BROX: variants seen among roughly 807,000 people sequenced by gnomAD.
BROX encodes BRO1 domain-containing protein BROX.
A neutral mutation model predicts 61.0 loss-of-function variants in BROX; 53 were observed. That is an observed-to-expected ratio of 0.87 (90% CI 0.70 to 1.09). The LOEUF (loss-of-function observed/expected upper bound fraction) is 1.09. BROX is among the 50% of genes least tolerant of loss of function. The pLI, the probability that BROX is intolerant of heterozygous loss-of-function variation, is 0.00. For synonymous variants in BROX, 152 were observed against 160.2 expected (o/e 0.95, Z 0.38); for missense variants, 489 against 472.0 (o/e 1.04, Z -0.33).
Position 222,715,836 on chromosome 1 carries a change from G to C in BROX, c.101+36G>C, listed in dbSNP as rs759322783. The C allele has an allele frequency of 8.6e-6, 12 of 1,388,254 alleles. No individual in the cohort carries two copies. In the East Asian group the frequency reaches 2.4e-4, roughly 28 times the overall value. 86.0% of individuals were successfully genotyped at this position (1,388,254 alleles called of 1,614,324 possible). On this transcript the variant is annotated intron_variant, in intron 2 of 12. Coordinates refer to ENST00000340934, the MANE Select transcript of BROX (RefSeq NM_144695.4). Reference sequence around the variant, plus strand: ...TGATTGAACCACTCTTAGATGCAAGGTACTTTTTTTGGTTCCATGGCAATA... The same window carrying C: ...TGATTGAACCACTCTTAGATGCAAGCTACTTTTTTTGGTTCCATGGCAATA...
intron 4 of BROX, 74 bp from the exon 5 acceptor site, chr1:222,722,345 C>T (rs183198958): frequency 7.0e-5 from 87 of 1,239,452 alleles, no homozygotes; most frequent in African/African-American, 4.5e-4. Flanking sequence ...AATTTTGAGT[C>T]GGATATCCAG....
chr1:222,727,398 A>G, intron 8 of BROX, 141 bp downstream of exon 8: 1 of 664,200 alleles, frequency 1.5e-6, no homozygotes, highest in Non-Finnish European at 2.6e-6. Flanking sequence ...TATTGCATTT[A>G]AAATAGAGCT....
At chr1:222,718,362 C>T (rs1345538478) in intron 2 of BROX, among the ~76,000 whole-genome samples, 1 of 151,994 alleles carries the variant, frequency 6.6e-6, no homozygotes, top group Non-Finnish European at 1.5e-5. Context: ...TTTACATATT[C>T]TTGATGTATA....
At chr1:222,731,316 C>T (rs532323581) in intron 11 of BROX, 41 bp from the exon 12 acceptor site, 34 of 1,510,118 alleles carry the variant, frequency 2.3e-5, no homozygotes, top group Admixed American at 7.4e-5. Context: ...ACTCAAATAA[C>T]GAACAAATGA....
intron 6 of BROX, among the ~76,000 whole-genome samples, chr1:222,724,395 A>C (rs1028840095): frequency 2.6e-5 from 4 of 152,202 alleles, no homozygotes; most frequent in Non-Finnish European, 5.9e-5. Flanking sequence ...TAGAAAACTT[A>C]AGTTTTAGTG....
chr1:222,718,144 T>G (rs1017724626), intron 2 of BROX: 1 of 152,112 alleles, frequency 6.6e-6, no homozygotes. Context: ...TGAACATTTC[T>G]GGAGTTGGGA....
At chr1:222,730,241 T>C (rs1657838082) in intron 11 of BROX, 64 bp downstream of exon 11, 3 of 1,132,432 alleles carry the variant, frequency 2.6e-6, no homozygotes, top group Non-Finnish European at 3.5e-6. Flanking sequence ...TATTAAAATA[T>C]TAATATTTTA....
chr1:222,712,640 T>C lies in BROX; in HGVS notation c.-319T>C, dbSNP rs1289830127. ...GGTAGGGGCAACTCTTCTCTTCCTG[T>C]CTGGGAAAAAGACCATAGCTCAAAA... is the stretch of plus-strand genomic sequence containing the variant. On this transcript the variant is annotated 5_prime_UTR_variant, in exon 1 of 13. Transcript: ENST00000340934. 1.5e-6 allele frequency: 2 copies of C among 1,319,790 alleles called. No homozygotes were observed. The highest frequency in any genetic ancestry group is 4.4e-5 in the East Asian group (1 of 22,686). The allele number at this position is 1,319,790 out of a possible 1,614,324, so 81.8% of individuals were successfully genotyped here. A position where few individuals can be genotyped will look rare whatever the true frequency, so the allele number is the denominator to read the frequency against.
At chr1:222,732,010 G>A (rs1657972898) in intron 12 of BROX, among the ~76,000 whole-genome samples, 1 of 152,102 alleles carries the variant, frequency 6.6e-6, no homozygotes, top group South Asian at 2.1e-4. Context: ...CAAAAGACTA[G>A]GGATCTGTGA....
chr1:222,729,534 A>G, intron 9 of BROX, 86 bp from the exon 10 acceptor site: 1 of 960,798 alleles, frequency 1.0e-6, no homozygotes, highest in African/African-American at 1.6e-5. Flanking sequence ...GTATGAAGGT[A>G]CTAATTTATC....
intron 8 of BROX, among the ~76,000 whole-genome samples, chr1:222,728,446 G>A (rs34290674): frequency 0.037 from 5,682 of 151,884 alleles, 146 homozygotes; most frequent in East Asian, 0.13. Context: ...CTAATATAAC[G>A]GTATAAACAG....
chr1:222,724,081 CTATCTT>C lies in BROX; in HGVS notation c.402-8_402-3del, dbSNP rs776887906. The C allele has an allele frequency of 3.8e-6, 6 of 1,593,866 alleles. No homozygotes were observed. The highest frequency in any genetic ancestry group is 5.1e-6 in the Non-Finnish European group (6 of 1,168,116). Reference sequence around the variant, plus strand: ...ATTCATCCTCTAACTAATGTAACCCCTATCTTTAAGTATAACAGAAGATGAAGCAAA... The same window carrying C: ...ATTCATCCTCTAACTAATGTAACCCCTAAGTATAACAGAAGATGAAGCAAA... On this transcript the variant is annotated splice_polypyrimidine_tract_variant and splice_region_variant and intron_variant, in intron 5 of 12. Coordinates refer to ENST00000340934, the MANE Select transcript of BROX (RefSeq NM_144695.4).
Position 222,732,935 on chromosome 1 carries a change from T to C in BROX, c.*221T>C, listed in dbSNP as rs1207991000. The C allele has an allele frequency of 4.1e-5, 21 of 515,434 alleles. No homozygotes were observed. The Admixed American group carries it at 7.4e-4, about 18-fold the overall frequency. The allele number at this position is 515,434 out of a possible 1,614,324, so 31.9% of individuals were successfully genotyped here. A position where few individuals can be genotyped will look rare whatever the true frequency, so the allele number is the denominator to read the frequency against. ...TTTAATCAGGACAACATTTGAAAGA[T>C]TTTATTGTGCCTCTAAAGGGTATAT... is the stretch of plus-strand genomic sequence containing the variant. On this transcript the variant is annotated 3_prime_UTR_variant, in exon 13 of 13. Transcript: ENST00000340934.
chr1:222,730,254 A>G, intron 11 of BROX, 77 bp downstream of exon 11: 1 of 1,058,772 alleles, frequency 9.4e-7, no homozygotes, highest in Non-Finnish European at 1.3e-6. Flanking sequence ...ATATTTTAGT[A>G]ATATCATTTC....
At chr1:222,731,937 TA>T (rs1467957272) in intron 12 of BROX, among the ~76,000 whole-genome samples, 11 of 152,342 alleles carry the variant, frequency 7.2e-5, no homozygotes, top group Admixed American at 3.9e-4. Context: ...TATTGGTATC[TA>T]AGTACATCTT....
chr1:222,726,221 CAATT>C (rs900618869), intron 7 of BROX, among the ~76,000 whole-genome samples: 1 of 152,168 alleles, frequency 6.6e-6, no homozygotes, highest in African/African-American at 2.4e-5. Flanking sequence ...CAACGTGAAA[CAATT>C]AAGAAACTTT....
intron 2 of BROX, 151 bp downstream of exon 2, chr1:222,715,951 TCTTCTACG>T (rs1199305069): frequency 3.6e-6 from 2 of 553,202 alleles, no homozygotes; most frequent in African/African-American, 3.9e-5. Context: ...AATTTGGCAG[TCTTCTACG>T]CCTGGATCCT....
At chr1:222,728,262 A>G (rs1450596063) in intron 8 of BROX, among the ~76,000 whole-genome samples, 1 of 152,182 alleles carries the variant, frequency 6.6e-6, no homozygotes. Context: ...ACAGCAACGT[A>G]GCAAATAGGA....
In BROX at chr1:222,730,209, ATAT is replaced by A. The variant is rs758932002; in HGVS notation, c.989+36_989+38del. 49 of 1,309,704 alleles carry A rather than the reference ATAT, an allele frequency of 3.7e-5. No individual in the cohort carries two copies. The Admixed American group carries it at 3.9e-4, about 10-fold the overall frequency. 81.1% of individuals were successfully genotyped at this position (1,309,704 alleles called of 1,614,324 possible). A position where few individuals can be genotyped will look rare whatever the true frequency, so the allele number is the denominator to read the frequency against. On this transcript the variant is annotated intron_variant, in intron 11 of 12. Transcript: ENST00000340934. ...ACAGTTTAATATTACTTTAGTAATA[ATAT>A]TATGTTGATTTATGATTATATTAAA...
Sources: gnomAD v4.1 joint callset for allele counts (sites outside exome capture counted in the v4.1 genomes callset) on GRCh38, gnomAD v4.1.1 for gene constraint, MANE v1.5 for transcripts, NCBI Gene and HGNC (gene_info 2026-07-23, HGNC 2026-07-21) for gene names.